MAP3K20: variants seen among roughly 807,000 people sequenced by gnomAD.
MAP3K20 encodes the protein mitogen-activated protein kinase kinase kinase 20, also known as HCCS-4.
In MAP3K20, 40 loss-of-function variants were observed where a neutral mutation model predicts 85.7. That is an observed-to-expected ratio of 0.47 (90% CI 0.36 to 0.61). The LOEUF is 0.61. Ranked by LOEUF, MAP3K20 falls within the 20% of genes least tolerant of loss-of-function variation. MAP3K20 has a pLI of 0.00. For synonymous variants in MAP3K20, 325 were observed against 327.7 expected, an observed-to-expected ratio of 0.99 and a Z score of 0.09; for missense variants, 817 against 961.7, an observed-to-expected ratio of 0.85 and a Z score of 1.99.
intron 16 of MAP3K20, among the ~76,000 whole-genome samples, chr2:173,244,726 T>A (rs972408396): frequency 6.6e-6 from 1 of 152,246 alleles, no homozygotes; most frequent in African/African-American, 2.4e-5. Flanking sequence ...CTTAGCATTA[T>A]GAAATATTTT....
chr2:173,126,498 G>C (rs894704907), intron 2 of MAP3K20, among the ~76,000 whole-genome samples: 1 of 152,082 alleles, frequency 6.6e-6, no homozygotes, highest in African/African-American at 2.4e-5. Context: ...TCATGCCTCA[G>C]CCTCCCAAGT....
At chr2:173,235,855 G>A (rs1406769641) in intron 14 of MAP3K20, among the ~76,000 whole-genome samples, 1 of 152,220 alleles carries the variant, frequency 6.6e-6, no homozygotes, top group Admixed American at 6.5e-5. Flanking sequence ...AAGGATGTGT[G>A]TGGCCAGGAA....
intron 3 of MAP3K20, among the ~76,000 whole-genome samples, chr2:173,170,330 AT>A (rs1689964731): frequency 6.6e-6 from 1 of 152,170 alleles, no homozygotes; most frequent in South Asian, 2.1e-4. Flanking sequence ...TAAGAACAAT[AT>A]TTTTCAGGTT....
chr2:173,079,483 A>G (rs1686955123), intron 1 of MAP3K20, among the ~76,000 whole-genome samples: 1 of 152,156 alleles, frequency 6.6e-6, no homozygotes, highest in Admixed American at 6.5e-5. Context: ...CTTCAATAAT[A>G]AATTAACCTT....
intron 11 of MAP3K20, chr2:173,224,663 T>C (rs147927676): frequency 4.1e-6 from 4 of 985,284 alleles, no homozygotes; most frequent in South Asian, 4.7e-5. Flanking sequence ...AACTGGACTA[T>C]TGATCATTAC....
chr2:173,119,618 G>A (rs1688221866), intron 2 of MAP3K20, among the ~76,000 whole-genome samples: 1 of 152,194 alleles, frequency 6.6e-6, no homozygotes, highest in Non-Finnish European at 1.5e-5. Context: ...TGGATTTGGT[G>A]GTGCTGAGAG....
intron 11 of MAP3K20, chr2:173,223,959 C>G: frequency 1.0e-6 from 1 of 985,448 alleles, no homozygotes; most frequent in Non-Finnish European, 1.2e-6. Context: ...GTTTACAAGG[C>G]AAAGATAGTC....
At chr2:173,226,661 GATT>G (rs1684397392) in intron 11 of MAP3K20, 1 of 985,652 alleles carries the variant, frequency 1.0e-6, no homozygotes, top group African/African-American at 1.7e-5. Context: ...TCTGGCATGT[GATT>G]ATTTACTTCA....
intron 2 of MAP3K20, among the ~76,000 whole-genome samples, chr2:173,147,455 A>C (rs1175544911): frequency 5.9e-5 from 9 of 152,232 alleles, no homozygotes; most frequent in Admixed American, 5.9e-4. Context: ...ATTTAGCTTC[A>C]AGTGGGGTTG....
intron 2 of MAP3K20, among the ~76,000 whole-genome samples, chr2:173,168,514 A>G (rs1689904253): frequency 6.6e-6 from 1 of 152,140 alleles, no homozygotes; most frequent in South Asian, 2.1e-4. Context: ...CTCTTATCCT[A>G]TGAAAAAAAC....
rs764057020 is a variant in MAP3K20 at position 173,191,133 on chromosome 2, A to T, written c.538A>T (p.Ser180Cys). ...FPWMAPEVIQ[S>C]LPVSETCDTY... ...ATGGATGGCTCCAGAAGTTATCCAG[A>T]GTCTCCCTGTGTCAGAAACTTGTGA... Residue 180 changes from serine to cysteine, a missense_variant, in exon 7 of 20, where the codon AGT becomes TGT. Ser to Cys is a moderately radical substitution (Grantham distance 112). Around this residue, in one of 4 missense-constraint regions of MAP3K20, gnomAD observed 200 missense variants for 302.7 expected, o/e 0.66. Transcript: ENST00000375213. 1.9e-6 allele frequency: 3 copies of T among 1,614,066 alleles called. No individual in the cohort carries two copies. The highest frequency in any genetic ancestry group is 2.5e-6 in the Non-Finnish European group (3 of 1,179,950).
intron 1 of MAP3K20, among the ~76,000 whole-genome samples, chr2:173,081,034 C>T (rs534682774): frequency 2.0e-5 from 3 of 152,172 alleles, no homozygotes; most frequent in South Asian, 2.1e-4. Context: ...AGAATTTGTC[C>T]GTATAGCCAC....
intron 2 of MAP3K20, among the ~76,000 whole-genome samples, chr2:173,121,699 C>A (rs1317061352): frequency 3.9e-5 from 6 of 152,056 alleles, no homozygotes; most frequent in Non-Finnish European, 8.8e-5. Context: ...AGAACAAATT[C>A]TTATCTAGGA....
chr2:173,099,335 G>GT (rs34315902), intron 2 of MAP3K20, among the ~76,000 whole-genome samples: 57,025 of 131,056 alleles, frequency 0.44, 12,530 homozygotes, highest in African/African-American at 0.56. Context: ...GTTTTGTTTT[G>GT]TTTTTTTTTT....
intron 2 of MAP3K20, among the ~76,000 whole-genome samples, chr2:173,150,809 G>T (rs1047126174): frequency 6.6e-6 from 1 of 152,052 alleles, no homozygotes; most frequent in Admixed American, 6.6e-5. Context: ...TGATCCGCCC[G>T]CCTTGACCTC....
At chr2:173,201,767 T>A (rs1691070680) in intron 8 of MAP3K20, among the ~76,000 whole-genome samples, 1 of 152,206 alleles carries the variant, frequency 6.6e-6, no homozygotes. Flanking sequence ...CTTAAATAAT[T>A]TGAATTCTAT....
rs530873840 is a variant in MAP3K20, at chr2:173,263,617, T to G, written c.1552-128T>G. ...TTCCTAGTGCATTATGATAGTGTTC[T>G]AAGAGGTGAAACTGAAGTGATATAA... is the stretch of plus-strand genomic sequence containing the variant. On this transcript the variant is annotated intron_variant, in intron 18 of 19. Transcript: ENST00000375213. The G allele has an allele frequency of 7.1e-4, 634 of 897,206 alleles. 9 individuals are homozygous for G. In the South Asian group the frequency reaches 9.6e-3, roughly 14 times the overall value. The allele number at this position is 897,206 out of a possible 1,614,324, so 55.6% of individuals were successfully genotyped here.
At chr2:173,127,514 G>GA (rs1299198922) in intron 2 of MAP3K20, among the ~76,000 whole-genome samples, 3 of 151,998 alleles carry the variant, frequency 2.0e-5, no homozygotes, top group Admixed American at 2.0e-4. Flanking sequence ...TTTTGGCAGA[G>GA]AAAAAAGATA....
At chr2:173,186,523 G>A (rs1353193536) in intron 4 of MAP3K20, among the ~76,000 whole-genome samples, 2 of 135,026 alleles carry the variant, frequency 1.5e-5, no homozygotes, top group Admixed American at 8.2e-5. Flanking sequence ...GTCCTTTCAT[G>A]ATTCTTCAAT....
Sources: gnomAD v4.1 joint callset for allele counts (sites outside exome capture counted in the v4.1 genomes callset) on GRCh38, gnomAD v4.1.1 for gene constraint, gnomAD v4.1.1 regional missense constraint, MANE v1.5 for transcripts, NCBI Gene and HGNC (gene_info 2026-07-23, HGNC 2026-07-21) for gene names.